The following CCDC81 variants were observed in gnomAD, a reference collection of about 807,000 sequenced individuals.
The protein encoded by CCDC81 is coiled-coil domain-containing protein 81.
A neutral mutation model predicts 83.7 loss-of-function variants in CCDC81; 79 were observed. The observed-to-expected ratio is 0.94, with a 90% CI of 0.79 to 1.14. CCDC81 has a LOEUF of 1.14. Ranked by LOEUF, CCDC81 falls within the 50% of genes most tolerant of loss-of-function variation. The probability of loss-of-function intolerance (pLI) is 0.00; values close to 1 mark genes in which losing one functional copy is unlikely to be tolerated. For missense variants in CCDC81, 791 were observed against 778.1 expected (o/e 1.02, Z -0.20); for synonymous variants, 252 against 278.1 (o/e 0.91, Z 0.93).
chr11:86,403,870 G>C (rs1329416495), intron 7 of CCDC81, among the ~76,000 whole-genome samples: 1 of 152,190 alleles, frequency 6.6e-6, no homozygotes, highest in East Asian at 1.9e-4. Context: ...CAGATGGAAA[G>C]CTTTAGCTTT....
chr11:86,388,279 C>A (rs75667079), intron 3 of CCDC81, among the ~76,000 whole-genome samples: 2,903 of 149,004 alleles, frequency 0.019, 72 homozygotes, highest in African/African-American at 0.066. Flanking sequence ...AGACCTTGTT[C>A]CAGGTGCTTG....
At chr11:86,376,393 G>A (rs1052669227) in intron 1 of CCDC81, among the ~76,000 whole-genome samples, 1 of 152,144 alleles carries the variant, frequency 6.6e-6, no homozygotes, top group Non-Finnish European at 1.5e-5. Flanking sequence ...AGGTTTAATT[G>A]ACTCACAGTT....
chr11:86,420,408 A>T (rs527608132), intron 14 of CCDC81, among the ~76,000 whole-genome samples: 4 of 152,328 alleles, frequency 2.6e-5, no homozygotes, highest in African/African-American at 9.6e-5. Flanking sequence ...GAGAATCGTT[A>T]TTTAAGAGCA....
At chr11:86,412,620 T>A in intron 11 of CCDC81, 61 bp downstream of exon 11, 1 of 1,406,084 alleles carries the variant, frequency 7.1e-7, no homozygotes, top group Non-Finnish European at 9.6e-7. Flanking sequence ...AAGTTACTTT[T>A]CATGTAGGAT....
intron 3 of CCDC81, among the ~76,000 whole-genome samples, chr11:86,390,637 A>G (rs1948315035): frequency 6.6e-6 from 1 of 152,160 alleles, no homozygotes; most frequent in Non-Finnish European, 1.5e-5. Context: ...TACTCATGAG[A>G]TATTACTCAT....
Position 86,375,105 on chromosome 11 carries a change from C to A in CCDC81, c.-59C>A. The A allele has an allele frequency of 7.1e-7, 1 of 1,412,022 alleles. No homozygotes were observed. The allele number at this position is 1,412,022 out of a possible 1,614,324, so 87.5% of individuals were successfully genotyped here. A position where few individuals can be genotyped will look rare whatever the true frequency, so the allele number is the denominator to read the frequency against. Reference sequence around the variant, plus strand: ...TGGGAAAATTATTTTTGTGCACATTCCATATAAGAAAGAAGAGACCCATCG... The same window carrying A: ...TGGGAAAATTATTTTTGTGCACATTACATATAAGAAAGAAGAGACCCATCG... On this transcript the variant is annotated 5_prime_UTR_variant, in exon 1 of 15. Transcript: ENST00000445632.
At chr11:86,385,908 T>C (rs1948235459) in intron 1 of CCDC81, 143 bp from the exon 2 acceptor site, 4 of 344,970 alleles carry the variant, frequency 1.2e-5, no homozygotes, top group African/African-American at 2.2e-5. Context: ...AATGGCCTTG[T>C]TTTTTGTTAA....
intron 4 of CCDC81, among the ~76,000 whole-genome samples, chr11:86,393,158 G>C (rs558860692): frequency 6.6e-6 from 1 of 152,316 alleles, no homozygotes; most frequent in East Asian, 1.9e-4. Context: ...CACATGCCGG[G>C]TTTGAGTGAT....
chr11:86,380,299 A>G (rs1593906053), intron 1 of CCDC81, among the ~76,000 whole-genome samples: 1 of 152,158 alleles, frequency 6.6e-6, no homozygotes, highest in Non-Finnish European at 1.5e-5. Flanking sequence ...GTTTCTGAGA[A>G]GTAGTTCAAT....
chr11:86,381,331 A>G (rs893091201), intron 1 of CCDC81, among the ~76,000 whole-genome samples: 15 of 152,184 alleles, frequency 9.9e-5, no homozygotes, highest in African/African-American at 3.6e-4. Flanking sequence ...GTACTCTGGC[A>G]TATTTAAAAA....
chr11:86,403,013 A>ATTTT (rs545083032), intron 7 of CCDC81, among the ~76,000 whole-genome samples: 112 of 112,462 alleles, frequency 1.0e-3, no homozygotes, highest in Non-Finnish European at 1.3e-3. Context: ...TAATTTTTTG[A>ATTTT]TTTTTTTTTT....
At position 86,402,303 on chromosome 11, in the gene CCDC81, T is replaced by C. The variant is rs1217168127; in HGVS notation, c.881+1502T>C. Among the ~76,000 whole-genome samples, 6 of 152,110 alleles carry C rather than the reference T, an allele frequency of 3.9e-5. No individual in the cohort carries two copies. The South Asian group carries it at 1.0e-3, about 26-fold the overall frequency. On this transcript the variant is annotated intron_variant, in intron 7 of 14. Coordinates refer to ENST00000445632, the MANE Select transcript of CCDC81 (RefSeq NM_001156474.2). Reference sequence around the variant, plus strand: ...AACTTTATATTAACCTTATGATGTATGTCGTTTATTTCAATGCATATACAA... The same window carrying C: ...AACTTTATATTAACCTTATGATGTACGTCGTTTATTTCAATGCATATACAA...
chr11:86,376,005 A>G (rs1034810340), intron 1 of CCDC81, among the ~76,000 whole-genome samples: 12 of 152,234 alleles, frequency 7.9e-5, no homozygotes, highest in African/African-American at 2.9e-4. Flanking sequence ...TCATCCTGAA[A>G]GATGCATTGA....
At chr11:86,399,894 G>T (rs1948460866) in intron 6 of CCDC81, among the ~76,000 whole-genome samples, 1 of 151,916 alleles carries the variant, frequency 6.6e-6, no homozygotes, top group African/African-American at 2.4e-5. Flanking sequence ...AGGCTGAGGT[G>T]GGTGGATCAC....
Position 86,422,639 on chromosome 11 carries a change from G to C in CCDC81, c.1883G>C (p.Arg628Thr). 1 of 1,614,112 alleles carries C rather than the reference G, an allele frequency of 6.2e-7. No individual in the cohort carries two copies. The highest frequency in any genetic ancestry group is 8.5e-7 in the Non-Finnish European group (1 of 1,179,960). The part of the protein sequence containing the change: ...EKYRRCKQCQ[R>T]RTSNVGESNL... ...TATCGGCGCTGCAAGCAATGCCAGA[G>C]GCGCACCTCCAACGTGGGCGAGAGC... The change falls in exon 15 of 15, where the codon AGG (arginine) becomes ACG (threonine). Residue 628 changes from arginine to threonine, a missense_variant. Physicochemically the swap from Arg to Thr is moderately conservative, Grantham distance 71. Transcript: ENST00000445632.
At chr11:86,413,426 A>C (rs1948673094) in intron 11 of CCDC81, among the ~76,000 whole-genome samples, 1 of 152,116 alleles carries the variant, frequency 6.6e-6, no homozygotes. Flanking sequence ...ATGGAACCCT[A>C]GCCAGGGACC....
Position 86,389,063 on chromosome 11 carries a change from GA to G in CCDC81, c.298+1392del, listed in dbSNP as rs1158162287. On this transcript the variant is annotated intron_variant, in intron 3 of 14. Transcript: ENST00000445632. Reference sequence around the variant, plus strand: ...CCCAGAATTTTGGAGGCTAAGGAGGGAGGATCACTTGAGGCCAGAAGTTCAA... The same window carrying G: ...CCCAGAATTTTGGAGGCTAAGGAGGGGGATCACTTGAGGCCAGAAGTTCAA... 3.3e-5 allele frequency among the ~76,000 whole-genome samples: 5 copies of G among 152,058 alleles called. No homozygotes were observed. In the East Asian group the frequency reaches 7.7e-4, roughly 23 times the overall value.
intron 1 of CCDC81, among the ~76,000 whole-genome samples, chr11:86,378,436 G>A (rs1282113615): frequency 6.6e-6 from 1 of 152,118 alleles, no homozygotes; most frequent in African/African-American, 2.4e-5. Flanking sequence ...AGAAGAATGT[G>A]CATTCTACTG....
intron 1 of CCDC81, among the ~76,000 whole-genome samples, chr11:86,384,690 C>T (rs1238089419): frequency 6.6e-6 from 1 of 152,198 alleles, no homozygotes; most frequent in African/African-American, 2.4e-5. Context: ...GGGCTTTTGT[C>T]ACCAGCTGCA....
Sources: gnomAD v4.1 joint callset for allele counts (sites outside exome capture counted in the v4.1 genomes callset) on GRCh38, gnomAD v4.1.1 for gene constraint, MANE v1.5 for transcripts, NCBI Gene and HGNC (gene_info 2026-07-23, HGNC 2026-07-21) for gene names.